Variants in GMFB observed in about 807,000 individuals in gnomAD.
GMFB encodes GMF-beta.
Under a neutral mutation model 25.6 loss-of-function variants are expected in GMFB, and 13 were observed. The observed-to-expected ratio is 0.51, with a 90% CI of 0.33 to 0.81. The LOEUF (loss-of-function observed/expected upper bound fraction) is 0.81. Among genes scored for constraint, GMFB ranks in the 30% least tolerant of loss-of-function variants. GMFB has a pLI of 0.02. For missense variants in GMFB, 146 were observed against 175.4 expected, an observed-to-expected ratio of 0.83 and a Z score of 0.95; for synonymous variants, 57 against 56.9, an observed-to-expected ratio of 1.00 and a Z score of 0.00.
intron 3 of GMFB, 69 bp from the exon 4 acceptor site, chr14:54,481,527 C>T: frequency 1.1e-6 from 1 of 941,304 alleles, no homozygotes; most frequent in Non-Finnish European, 1.7e-6. Flanking sequence ...ATACACCAAG[C>T]ACCCATTCTA....
At chr14:54,482,035 G>T in intron 3 of GMFB, 118 bp downstream of exon 3, 2 of 670,412 alleles carry the variant, frequency 3.0e-6, no homozygotes, top group South Asian at 3.6e-5. Flanking sequence ...TATGCATAAT[G>T]AGCATGTATT....
Position 54,479,861 on chromosome 14 carries a change from TG to T in GMFB, c.284-3del. On this transcript the variant is annotated splice_region_variant and splice_polypyrimidine_tract_variant and intron_variant, in intron 5 of 6. Transcript: ENST00000358056. The stretch of plus-strand genomic sequence containing the variant: ...TCATCTGTTGTTCAGGCTTACATCC[TG>T]GAAAAGAGAGATTAGTGTAGAAATG... 6.4e-7 allele frequency: 1 copy of T among 1,574,130 alleles called. No individual in the cohort carries two copies. Among genetic ancestry groups the T allele is most frequent in the Non-Finnish European group, 8.7e-7 (1 of 1,144,270 alleles).
At position 54,481,414 on chromosome 14, in the gene GMFB, T is replaced by C. The variant is rs1251135267; in HGVS notation, c.195A>G (p.Gln65=). Residue 65 remains glutamine (Q), a synonymous_variant, in exon 4 of 7, where the codon CAA becomes CAG. Transcript: ENST00000358056. ...DELKDELPER[Q]PRFIVYSYKY... ...AAGCACTAAGAAAAGGATATCGAGGTTGTCGTTCAGGTAGTTCATCTTTAA... is the reference window on the plus strand; with the variant it reads ...AAGCACTAAGAAAAGGATATCGAGGCTGTCGTTCAGGTAGTTCATCTTTAA... The C allele has an allele frequency of 1.2e-6, 2 of 1,601,776 alleles. No homozygotes were observed. Among genetic ancestry groups the C allele is most frequent in the Non-Finnish European group, 8.6e-7 (1 of 1,169,512 alleles).
rs2031662497 is a variant in GMFB at position 54,478,028 on chromosome 14, T to C, written c.*60A>G. On this transcript the variant is annotated 3_prime_UTR_variant, in exon 7 of 7. Coordinates refer to ENST00000358056, the MANE Select transcript of GMFB (RefSeq NM_004124.3). ...ATTTTTAGGCATAAATAAGTATTTA[T>C]GTCTGATTCCAGTATGGTCAGGTTA... 7.0e-6 allele frequency: 5 copies of C among 711,720 alleles called. No homozygotes were observed. The highest frequency in any genetic ancestry group is 5.6e-5 in the African/African-American group (3 of 53,602). The allele number at this position is 711,720 out of a possible 1,614,324, so 44.1% of individuals were successfully genotyped here. A position where few individuals can be genotyped will look rare whatever the true frequency, so the allele number is the denominator to read the frequency against.
intron 1 of GMFB, 108 bp from the exon 2 acceptor site, chr14:54,483,875 C>A: frequency 1.4e-6 from 1 of 732,864 alleles, no homozygotes; most frequent in South Asian, 1.5e-5. Context: ...TCACAAATGT[C>A]AATTAAGTGA....
intron 1 of GMFB, among the ~76,000 whole-genome samples, chr14:54,484,404 G>C (rs917839545): frequency 6.6e-6 from 1 of 152,054 alleles, no homozygotes; most frequent in Admixed American, 6.6e-5. Context: ...AGAATCATTA[G>C]AGACTATTAT....
At chr14:54,486,079 G>A (rs1291217710) in intron 1 of GMFB, among the ~76,000 whole-genome samples, 1 of 151,958 alleles carries the variant, frequency 6.6e-6, no homozygotes. Flanking sequence ...GTGAAACCCC[G>A]TCTCTACTAA....
At chr14:54,485,938 G>A (rs952901168) in intron 1 of GMFB, among the ~76,000 whole-genome samples, 3 of 152,174 alleles carry the variant, frequency 2.0e-5, no homozygotes, top group Admixed American at 6.5e-5. Context: ...GGGAAAACCA[G>A]ATAGCTATAT....
rs1218666364 is a variant in GMFB, at chr14:54,474,867, A to C, written c.*3221T>G. The C allele has an allele frequency of 6.5e-6, 1 of 152,682 alleles. No individual in the cohort carries two copies. Among genetic ancestry groups the C allele is most frequent in the Admixed American group, 6.5e-5 (1 of 15,288 alleles). 9.5% of individuals were successfully genotyped at this position (152,682 alleles called of 1,614,324 possible). ...AAATGTCAAATGGCATAATAAAAAC[A>C]AATTTCTCAAGAATATTCAGCTTGG... On this transcript the variant is annotated 3_prime_UTR_variant, in exon 7 of 7. Coordinates refer to ENST00000358056, the MANE Select transcript of GMFB (RefSeq NM_004124.3).
Position 54,486,045 on chromosome 14 carries a change from T to G in GMFB, c.4-2278A>C, listed in dbSNP as rs182213554. Among the ~76,000 whole-genome samples the G allele has an allele frequency of 3.9e-4, 59 of 151,614 alleles. 1 individual carries two copies. In the East Asian group the frequency reaches 7.0e-3, roughly 18 times the overall value. ...GGCGGGCGGATCATGAGGTCAGGAG[T>G]TCGAGACCAGCCTGGCTAACATGGT... is the stretch of plus-strand genomic sequence containing the variant. On this transcript the variant is annotated intron_variant, in intron 1 of 6. Transcript: ENST00000358056.
At chr14:54,480,729 C>CA in intron 5 of GMFB, 145 bp downstream of exon 5, 2 of 557,496 alleles carry the variant, frequency 3.6e-6, no homozygotes, top group South Asian at 5.0e-5. Context: ...TGCACACAGG[C>CA]ACATGGACAC....
At position 54,478,114 on chromosome 14, in the gene GMFB, G is replaced by A. The variant is rs371009786; in HGVS notation, c.403C>T (p.Arg135Cys). ...NTEDLTEEWL[R>C]EKLGFFH is the part of the protein sequence containing the mutation. ...TAGTGAAAAAATCCAAGTTTCTCACGTAACCATTCTTCAGTTAGGTCTTCG... is the reference window on the plus strand; with the variant it reads ...TAGTGAAAAAATCCAAGTTTCTCACATAACCATTCTTCAGTTAGGTCTTCG... Residue 135 changes from arginine to cysteine, a missense_variant, in exon 7 of 7, where the codon CGT (arginine) becomes TGT (cysteine). Physicochemically the swap from Arg to Cys is radical, Grantham distance 180. Transcript: ENST00000358056. The A allele has an allele frequency of 2.0e-5, 29 of 1,447,594 alleles. No individual in the cohort carries two copies. The highest frequency in any genetic ancestry group is 4.5e-5 in the Admixed American group (2 of 44,646). The allele number at this position is 1,447,594 out of a possible 1,614,324, so 89.7% of individuals were successfully genotyped here.
intron 1 of GMFB, among the ~76,000 whole-genome samples, chr14:54,487,515 C>G (rs8014883): frequency 0.28 from 42,451 of 151,570 alleles, 6,976 homozygotes; most frequent in African/African-American, 0.45. Context: ...CTCCAACCAA[C>G]GCGACAGAGC....
intron 1 of GMFB, 94 bp downstream of exon 1, chr14:54,488,831 G>C: frequency 9.4e-7 from 1 of 1,067,218 alleles, no homozygotes; most frequent in South Asian, 1.5e-5. Flanking sequence ...GCCCTCCTGG[G>C]CGCTGCCCGC....
chr14:54,484,920 C>A (rs185593072), intron 1 of GMFB, among the ~76,000 whole-genome samples: 38 of 151,802 alleles, frequency 2.5e-4, no homozygotes, highest in African/African-American at 9.2e-4. Context: ...AACAGAATAA[C>A]AAAAATCGTA....
intron 1 of GMFB, 78 bp downstream of exon 1, chr14:54,488,847 C>A: frequency 7.7e-7 from 1 of 1,305,342 alleles, no homozygotes. Flanking sequence ...CCCGCCGCCG[C>A]CGGCTCCGGA....
At chr14:54,479,697 A>G in intron 6 of GMFB, 89 bp downstream of exon 6, 5 of 744,152 alleles carry the variant, frequency 6.7e-6, no homozygotes, top group Non-Finnish European at 1.2e-5. Flanking sequence ...TCACCTGCAT[A>G]AAAAATACTC....
At chr14:54,485,843 C>A in intron 1 of GMFB, among the ~76,000 whole-genome samples, 1 of 151,912 alleles carries the variant, frequency 6.6e-6, no homozygotes, top group East Asian at 1.9e-4. Context: ...AGAAGTAAAT[C>A]TACACATTTA....
At chr14:54,481,364 A>C (rs1413758277) in intron 4 of GMFB, 45 bp downstream of exon 4, 2 of 1,262,686 alleles carry the variant, frequency 1.6e-6, no homozygotes, top group Admixed American at 3.4e-5. Context: ...AACAGGTCTG[A>C]CCACTAAAGA....
Sources: allele counts gnomAD v4.1 joint callset (sites outside exome capture counted in the v4.1 genomes callset), GRCh38; gene constraint gnomAD v4.1.1; transcripts MANE v1.5; gene names NCBI Gene and HGNC (gene_info 2026-07-23, HGNC 2026-07-21).